Variants in BACC1 observed in about 807,000 individuals in gnomAD.
BACC1 encodes the protein BPTF-associated chromatin complex component 1.
the BACC1 span, chr17:7,017,075 G>T: frequency 6.5e-7 from 1 of 1,549,030 alleles, no homozygotes; most frequent in Non-Finnish European, 8.9e-7. Flanking sequence ...TCACCTGGAT[G>T]GCAGGGCACG....
the BACC1 span, chr17:7,014,808 C>T: frequency 6.6e-7 from 1 of 1,524,434 alleles, no homozygotes; most frequent in African/African-American, 1.4e-5. This position sits in a 1 kb window ranked among gnomAD's most constrained non-coding sequence, Gnocchi z 4.5. Flanking sequence ...GTGGTCCCGG[C>T]TCGCGTGTAG....
At chr17:7,015,732 C>A in the BACC1 span, 1 of 1,568,960 alleles carries the variant, frequency 6.4e-7, no homozygotes, top group South Asian at 1.1e-5. Context: ...GCTCCACACC[C>A]CCCCTCCCAT....
the BACC1 span, chr17:7,016,752 C>A: frequency 6.4e-7 from 1 of 1,556,298 alleles, no homozygotes; most frequent in Non-Finnish European, 8.7e-7. Flanking sequence ...GAGAATTGGG[C>A]CTGGGTCAAA....
At chr17:7,016,794 A>G in the BACC1 span, 1 of 1,524,478 alleles carries the variant, frequency 6.6e-7, no homozygotes, top group Admixed American at 1.8e-5. Flanking sequence ...GTCCCTGTGG[A>G]GGTTCCCAGA....
the BACC1 span, chr17:7,015,851 G>T: frequency 1.2e-6 from 2 of 1,614,024 alleles, no homozygotes; most frequent in Admixed American, 1.7e-5. Flanking sequence ...AATCACATCA[G>T]CTGTGTCATC....
the BACC1 span, chr17:7,014,854 G>A: frequency 5.9e-6 from 9 of 1,537,390 alleles, no homozygotes; most frequent in South Asian, 8.4e-5. The surrounding 1 kb of genome is among the most constrained non-coding windows in gnomAD (Gnocchi z 4.5). Flanking sequence ...AGGCGCGCGG[G>A]GCCATGACGT....
At chr17:7,017,326 T>TCC in the BACC1 span, 1 of 1,607,910 alleles carries the variant, frequency 6.2e-7, no homozygotes, top group Non-Finnish European at 8.5e-7. Context: ...TGCTGAGCCT[T>TCC]CCACCTCTGA....
the BACC1 span, chr17:7,017,109 G>C: frequency 6.6e-7 from 1 of 1,524,020 alleles, no homozygotes. Flanking sequence ...CCCCTCCCTT[G>C]TATAGGGGTT....
the BACC1 span, chr17:7,014,787 C>G: frequency 5.3e-6 from 8 of 1,518,004 alleles, no homozygotes; most frequent in Non-Finnish European, 7.0e-6. The surrounding 1 kb of genome is among the most constrained non-coding windows in gnomAD (Gnocchi z 4.5). Flanking sequence ...CGCTCAGTCT[C>G]CCTGCTCTCC....
chr17:7,015,546 G>C, the BACC1 span: 1 of 1,419,032 alleles, frequency 7.0e-7, no homozygotes, highest in East Asian at 2.6e-5. Context: ...GTGGAAAGGG[G>C]TGTCTAAGGT....
At chr17:7,017,392 C>T in the BACC1 span, 14 of 1,444,484 alleles carry the variant, frequency 9.7e-6, no homozygotes, top group Non-Finnish European at 1.4e-5. Flanking sequence ...GCAAGGCCTG[C>T]ACGAGAGAGG....
At chr17:7,015,218 AC>A in the BACC1 span, 2 of 1,501,882 alleles carry the variant, frequency 1.3e-6, no homozygotes, top group Non-Finnish European at 1.8e-6. Flanking sequence ...GGTCACAGAC[AC>A]GGACCCTCTC....
the BACC1 span, chr17:7,015,443 G>A: frequency 1.5e-6 from 2 of 1,361,548 alleles, no homozygotes; most frequent in Non-Finnish European, 1.9e-6. Context: ...TCCCCCAGAC[G>A]GCTGCAGGCT....
At chr17:7,016,623 C>T in the BACC1 span, 1,514 of 1,614,152 alleles carry the variant, frequency 9.4e-4, 1 homozygote, top group Non-Finnish European at 1.2e-3. Context: ...CCAGCTGCCC[C>T]TCCTCCCAGC....
the BACC1 span, chr17:7,016,195 T>C: frequency 1.9e-6 from 1 of 520,800 alleles, no homozygotes; most frequent in African/African-American, 1.9e-5. Context: ...ATGGTGACCC[T>C]GAACTAGTTG....
At chr17:7,015,083 G>C in the BACC1 span, 1 of 1,563,750 alleles carries the variant, frequency 6.4e-7, no homozygotes, top group South Asian at 1.2e-5. Flanking sequence ...CTTCTCGGCG[G>C]CCGGCGCCGC....
At chr17:7,017,423 G>A in the BACC1 span, 1 of 1,111,358 alleles carries the variant, frequency 9.0e-7, no homozygotes, top group Non-Finnish European at 1.4e-6. Flanking sequence ...TGCTGGGGCT[G>A]CCACCTCGCT....
the BACC1 span, chr17:7,015,058 C>A: frequency 6.5e-7 from 1 of 1,532,804 alleles, no homozygotes; most frequent in Non-Finnish European, 8.7e-7. Context: ...TGCCCCGCCC[C>A]CAGGTCGGAG....
chr17:7,014,902 G>A, the BACC1 span: 2 of 1,513,750 alleles, frequency 1.3e-6, no homozygotes, highest in Non-Finnish European at 1.8e-6. The surrounding 1 kb of genome is among the most constrained non-coding windows in gnomAD (Gnocchi z 4.5). Flanking sequence ...CGCGGACAGC[G>A]CTCCCTGGCG....
Sources: allele counts gnomAD v4.1 joint callset, GRCh38; gene constraint gnomAD v4.1.1; non-coding constraint Gnocchi (gnomAD v3.1); transcripts MANE v1.5; gene names NCBI Gene and HGNC (gene_info 2026-07-23, HGNC 2026-07-21).